FIGN: variants seen among roughly 807,000 people sequenced by gnomAD.
FIGN encodes the protein fidgetin, microtubule severing factor.
In FIGN, 11 loss-of-function variants were observed where a neutral mutation model predicts 51.3. That is an observed-to-expected ratio of 0.21 (90% CI 0.13 to 0.35). The LOEUF is 0.35. Among genes scored for constraint, FIGN ranks in the 10% least tolerant of loss-of-function variants. FIGN has a pLI of 1.00. For synonymous variants in FIGN, 407 were observed against 363.2 expected (o/e 1.12, Z -1.37); for missense variants, 857 against 943.6 (o/e 0.91, Z 1.20).
intron 2 of FIGN, among the ~76,000 whole-genome samples, chr2:163,635,367 A>G (rs1227522717): frequency 6.6e-6 from 1 of 152,190 alleles, no homozygotes; most frequent in Admixed American, 6.5e-5. Context: ...TACGAGCTAG[A>G]GACCAGTCTG....
intron 2 of FIGN, among the ~76,000 whole-genome samples, chr2:163,729,650 G>C (rs1684895101): frequency 6.6e-6 from 1 of 152,014 alleles, no homozygotes. Context: ...GTTTAACCTT[G>C]GGCCTTCATA....
At chr2:163,650,083 G>A (rs1383810028) in intron 2 of FIGN, among the ~76,000 whole-genome samples, 1 of 152,078 alleles carries the variant, frequency 6.6e-6, no homozygotes, top group Non-Finnish European at 1.5e-5. Flanking sequence ...CTGACACATA[G>A]AGAAAGGCTT....
At chr2:163,618,134 C>T (rs970937533) in intron 2 of FIGN, among the ~76,000 whole-genome samples, 3 of 152,124 alleles carry the variant, frequency 2.0e-5, no homozygotes, top group African/African-American at 7.2e-5. Context: ...AAGGTGTCAA[C>T]ATTTTCAAAT....
intron 2 of FIGN, among the ~76,000 whole-genome samples, chr2:163,657,057 C>T (rs918599918): frequency 1.3e-5 from 2 of 150,508 alleles, no homozygotes; most frequent in Non-Finnish European, 3.0e-5. Flanking sequence ...AATAAGAAAC[C>T]TGTATTTTTC....
chr2:163,692,908 A>G (rs1684259721), intron 2 of FIGN, among the ~76,000 whole-genome samples: 1 of 152,234 alleles, frequency 6.6e-6, no homozygotes. Context: ...GAAGTCACAT[A>G]TGTGTGCAAC....
intron 2 of FIGN, among the ~76,000 whole-genome samples, chr2:163,636,211 G>A (rs935988339): frequency 2.0e-5 from 3 of 152,286 alleles, no homozygotes; most frequent in South Asian, 4.1e-4. Flanking sequence ...AAGGTGCTTA[G>A]TTAGATTAAA....
chr2:163,647,932 A>G (rs968220756), intron 2 of FIGN, among the ~76,000 whole-genome samples: 1 of 152,172 alleles, frequency 6.6e-6, no homozygotes, highest in Non-Finnish European at 1.5e-5. Flanking sequence ...GAGACAGAGG[A>G]TAGGAGACAA....
intron 2 of FIGN, among the ~76,000 whole-genome samples, chr2:163,627,849 C>T (rs898598625): frequency 6.6e-6 from 1 of 152,142 alleles, no homozygotes; most frequent in Non-Finnish European, 1.5e-5. Context: ...TGAAGGCTTA[C>T]TATCCCCCAT....
At chr2:163,613,669 A>G (rs1682817930) in intron 2 of FIGN, among the ~76,000 whole-genome samples, 1 of 152,224 alleles carries the variant, frequency 6.6e-6, no homozygotes, top group African/African-American at 2.4e-5. Context: ...AAAGAGAATC[A>G]TGCCAGGGCT....
At position 163,611,804 on chromosome 2, in the gene FIGN, A is replaced by G. The variant is rs1230440312; in HGVS notation, c.28T>C (p.Leu10=). The change falls in exon 3 of 3, where the codon TTG becomes CTG. Residue 10 remains leucine (L), a splice_region_variant and synonymous_variant. Coordinates refer to ENST00000333129, the MANE Select transcript of FIGN (RefSeq NM_018086.4). MISSTSVYG[L]KMQWTPEHAQ... is the part of the protein sequence containing the mutation. The stretch of plus-strand genomic sequence containing the variant: ...TGCTCTGGCGTCCACTGCATCTTCA[A>G]GCCTAAGAATTTTGGGGGGAAAAGA... 1.9e-6 allele frequency: 3 copies of G among 1,590,554 alleles called. No individual in the cohort carries two copies. The highest frequency in any genetic ancestry group is 4.5e-5 in the East Asian group (2 of 44,208).
intron 2 of FIGN, among the ~76,000 whole-genome samples, chr2:163,662,101 G>T (rs565251912): frequency 7.9e-5 from 12 of 152,162 alleles, no homozygotes; most frequent in Non-Finnish European, 1.3e-4. Context: ...ATTTCTTAGA[G>T]ACTTGTTGAA....
chr2:163,670,363 TAAC>T (rs1377222901), intron 2 of FIGN, among the ~76,000 whole-genome samples: 2 of 152,114 alleles, frequency 1.3e-5, no homozygotes, highest in African/African-American at 4.8e-5. Flanking sequence ...ACAAGTACCT[TAAC>T]AGTGCAAAAT....
chr2:163,616,319 G>A (rs1682877050), intron 2 of FIGN, among the ~76,000 whole-genome samples: 2 of 152,154 alleles, frequency 1.3e-5, no homozygotes, highest in Admixed American at 6.6e-5. Flanking sequence ...CTTTCAAAAT[G>A]AGAGGAAAAT....
rs891470410 is a variant in FIGN at position 163,607,742 on chromosome 2, A to G, written c.*1810T>C. On this transcript the variant is annotated 3_prime_UTR_variant, in exon 3 of 3. Coordinates refer to ENST00000333129, the MANE Select transcript of FIGN (RefSeq NM_018086.4). ...CTCTAAACTAAAAAAAGAAAAGGGG[A>G]AAAAACCCAGGAAAATACATTCAAA... 6.6e-6 allele frequency: 1 copy of G among 152,632 alleles called. No individual in the cohort carries two copies. Among genetic ancestry groups the G allele is most frequent in the Non-Finnish European group, 1.5e-5 (1 of 68,050 alleles). 9.5% of individuals were successfully genotyped at this position (152,632 alleles called of 1,614,324 possible). A position where few individuals can be genotyped will look rare whatever the true frequency, so the allele number is the denominator to read the frequency against.
chr2:163,696,454 A>G (rs1217807129), intron 2 of FIGN, among the ~76,000 whole-genome samples: 1 of 152,118 alleles, frequency 6.6e-6, no homozygotes, highest in Non-Finnish European at 1.5e-5. Context: ...CCCAACTTTA[A>G]TGTCACTTTC....
At chr2:163,724,080 C>G (rs1684801119) in intron 2 of FIGN, among the ~76,000 whole-genome samples, 1 of 152,152 alleles carries the variant, frequency 6.6e-6, no homozygotes, top group South Asian at 2.1e-4. Context: ...TCTTAGTCAT[C>G]ATCGGATCAC....
intron 2 of FIGN, among the ~76,000 whole-genome samples, chr2:163,699,703 A>T (rs1042791287): frequency 6.6e-6 from 1 of 152,200 alleles, no homozygotes; most frequent in Non-Finnish European, 1.5e-5. Flanking sequence ...ATACTAGCTT[A>T]AGAAAGGAAT....
chr2:163,716,398 C>T (rs1264102103), intron 2 of FIGN, among the ~76,000 whole-genome samples: 3 of 152,006 alleles, frequency 2.0e-5, no homozygotes, highest in Non-Finnish European at 2.9e-5. Context: ...TGGAAAATAA[C>T]AAAGGATGTA....
rs1290477666 is a variant in FIGN, at chr2:163,634,114, G to GTT, written c.26-22309_26-22308insAA. ...CGTGTGTGTGTGTGTGTGTGTGTGT[G>GTT]TGTGTGTGTTTGGCTCACTTTAAAA... On this transcript the variant is annotated intron_variant, in intron 2 of 2. Coordinates refer to ENST00000333129, the MANE Select transcript of FIGN (RefSeq NM_018086.4). Among the ~76,000 whole-genome samples the GTT allele has an allele frequency of 1.8e-3, 274 of 151,102 alleles. 25 individuals are homozygous for GTT. Among genetic ancestry groups the GTT allele is most frequent in the African/African-American group, 5.2e-3 (213 of 41,148 alleles).
Sources: gnomAD v4.1 joint callset for allele counts (sites outside exome capture counted in the v4.1 genomes callset) on GRCh38, gnomAD v4.1.1 for gene constraint, MANE v1.5 for transcripts, NCBI Gene and HGNC (gene_info 2026-07-23, HGNC 2026-07-21) for gene names.